Variants in ASTN2 observed in about 807,000 individuals in gnomAD.
ASTN2 encodes astrotactin 2, also known as astrotactin-2.
ASTN2 carries 54 observed loss-of-function variants against 139.8 expected under a neutral mutation model. The observed-to-expected ratio is 0.39, with a 90% confidence interval of 0.31 to 0.48. The LOEUF (loss-of-function observed/expected upper bound fraction) is 0.48. Among genes scored for constraint, ASTN2 ranks in the 20% least tolerant of loss-of-function variants. The pLI, the probability that ASTN2 is intolerant of heterozygous loss-of-function variation, is 0.95. For synonymous variants in ASTN2, 756 were observed against 719.5 expected, an observed-to-expected ratio of 1.05 and a Z score of -0.81; for missense variants, 1,565 against 1,725.1, an observed-to-expected ratio of 0.91 and a Z score of 1.64.
intron 16 of ASTN2, among the ~76,000 whole-genome samples, chr9:116,686,060 T>G (rs749206703): frequency 2.0e-5 from 3 of 152,152 alleles, no homozygotes; most frequent in Non-Finnish European, 4.4e-5. Flanking sequence ...ACCTGCTAAT[T>G]ACAATTTTTC....
intron 3 of ASTN2, among the ~76,000 whole-genome samples, chr9:117,151,074 G>A (rs1830316503): frequency 6.6e-6 from 1 of 151,856 alleles, no homozygotes; most frequent in African/African-American, 2.4e-5. Context: ...CGTTGCTTAG[G>A]ATAGACTCAA....
chr9:117,074,754 G>A (rs567093207), intron 5 of ASTN2, among the ~76,000 whole-genome samples: 15 of 152,166 alleles, frequency 9.9e-5, no homozygotes, highest in African/African-American at 3.4e-4. Flanking sequence ...AACTATCTAC[G>A]TATCTATCTA....
chr9:116,665,530 T>C (rs1277047238), intron 16 of ASTN2, among the ~76,000 whole-genome samples: 1 of 152,140 alleles, frequency 6.6e-6, no homozygotes, highest in African/African-American at 2.4e-5. Context: ...AGGCAATAAA[T>C]ACCCCTACTG....
intron 17 of ASTN2, among the ~76,000 whole-genome samples, chr9:116,639,216 A>C (rs1424015753): frequency 6.6e-6 from 1 of 152,222 alleles, no homozygotes; most frequent in Non-Finnish European, 1.5e-5. Context: ...GCTAAAAATG[A>C]AAAAGAAACA....
chr9:117,297,850 CCTT>C (rs764432597), intron 1 of ASTN2, among the ~76,000 whole-genome samples: 2 of 152,212 alleles, frequency 1.3e-5, no homozygotes, highest in Non-Finnish European at 2.9e-5. Flanking sequence ...ACCTCATCCT[CCTT>C]CTACCCACCA....
chr9:117,338,410 A>C (rs1275166306), intron 1 of ASTN2, among the ~76,000 whole-genome samples: 1 of 152,076 alleles, frequency 6.6e-6, no homozygotes, highest in Non-Finnish European at 1.5e-5. Flanking sequence ...TACAGATCCT[A>C]TCCATTTATC....
At chr9:116,723,600 G>A (rs1828534157) in intron 16 of ASTN2, among the ~76,000 whole-genome samples, 3 of 152,094 alleles carry the variant, frequency 2.0e-5, no homozygotes, top group Non-Finnish European at 4.4e-5. Flanking sequence ...GGAGAAAAGG[G>A]GATACTAGCT....
chr9:116,920,979 T>C (rs974327490), intron 10 of ASTN2, among the ~76,000 whole-genome samples: 10 of 152,172 alleles, frequency 6.6e-5, no homozygotes, highest in Non-Finnish European at 1.3e-4. Flanking sequence ...GACTGAGTAA[T>C]GTATAAAGAA....
intron 19 of ASTN2, among the ~76,000 whole-genome samples, chr9:116,522,700 T>TGAAGAG (rs1382059134): frequency 6.6e-6 from 1 of 151,974 alleles, no homozygotes; most frequent in Admixed American, 6.6e-5. Flanking sequence ...AGAATGAAGA[T>TGAAGAG]GAAGAGGAAG....
At chr9:117,300,350 C>T (rs1019664605) in intron 1 of ASTN2, among the ~76,000 whole-genome samples, 1 of 152,194 alleles carries the variant, frequency 6.6e-6, no homozygotes, top group Non-Finnish European at 1.5e-5. Context: ...GAAGGCGATG[C>T]CTGTCTAGGA....
chr9:116,473,684 C>T (rs1006864058), intron 20 of ASTN2, among the ~76,000 whole-genome samples: 19 of 152,164 alleles, frequency 1.2e-4, no homozygotes, highest in Admixed American at 6.5e-5. Flanking sequence ...GATCACCTGA[C>T]GTCAGGAGTT....
At chr9:117,106,750 T>C (rs1043705063) in intron 4 of ASTN2, among the ~76,000 whole-genome samples, 1 of 151,984 alleles carries the variant, frequency 6.6e-6, no homozygotes, top group African/African-American at 2.4e-5. Context: ...CTTGAGCATA[T>C]CCTGTGAATT....
chr9:116,790,974 A>AGAAAAGAAAGAAG (rs1564268890), intron 13 of ASTN2, among the ~76,000 whole-genome samples: 403 of 46,132 alleles, frequency 8.7e-3, no homozygotes, highest in Non-Finnish European at 0.012. Context: ...AAGGAAAGAA[A>AGAAAAGAAAGAAG]GAAAGAAAGA....
chr9:116,845,211 T>A (rs529065389), intron 11 of ASTN2, among the ~76,000 whole-genome samples: 6 of 152,248 alleles, frequency 3.9e-5, no homozygotes, highest in African/African-American at 1.4e-4. Context: ...ACCTCCCGGG[T>A]TCACGCCATT....
At chr9:117,167,411 A>G (rs1324623948) in intron 3 of ASTN2, among the ~76,000 whole-genome samples, 4 of 152,148 alleles carry the variant, frequency 2.6e-5, no homozygotes, top group Non-Finnish European at 5.9e-5. Context: ...GATGATTTGA[A>G]TACATTTCCT....
At chr9:116,500,494 C>T (rs1049351380) in intron 19 of ASTN2, among the ~76,000 whole-genome samples, 4 of 152,198 alleles carry the variant, frequency 2.6e-5, no homozygotes, top group African/African-American at 7.2e-5. Flanking sequence ...GGCTTACAGC[C>T]ACCCCCTGCA....
chr9:116,977,520 C>T (rs1038340267), intron 7 of ASTN2, among the ~76,000 whole-genome samples: 1 of 151,972 alleles, frequency 6.6e-6, no homozygotes, highest in Non-Finnish European at 1.5e-5. Context: ...TGCATGAATG[C>T]TTGCTAGCAT....
intron 10 of ASTN2, among the ~76,000 whole-genome samples, chr9:116,960,712 C>G (rs1271322270): frequency 6.6e-6 from 1 of 152,094 alleles, no homozygotes; most frequent in Non-Finnish European, 1.5e-5. Flanking sequence ...ACAAAATCCC[C>G]CTCTTTAAAA....
intron 1 of ASTN2, among the ~76,000 whole-genome samples, chr9:117,348,919 T>A (rs908789173): frequency 6.6e-6 from 1 of 151,126 alleles, no homozygotes; most frequent in Admixed American, 6.6e-5. Flanking sequence ...AGCATCTAAT[T>A]GTGTGACTCC....
Sources: gnomAD v4.1 joint callset for allele counts (sites outside exome capture counted in the v4.1 genomes callset) on GRCh38, gnomAD v4.1.1 for gene constraint, MANE v1.5 for transcripts, NCBI Gene and HGNC (gene_info 2026-07-23, HGNC 2026-07-21) for gene names.